GSE1: variants seen among roughly 807,000 people sequenced by gnomAD.
GSE1 encodes the protein genetic suppressor element 1.
Under a neutral mutation model 112.6 loss-of-function variants are expected in GSE1, and 32 were observed. The ratio of observed to expected loss-of-function variants is 0.28; its 90% confidence interval spans 0.21 to 0.38. The LOEUF (loss-of-function observed/expected upper bound fraction) is 0.38. GSE1 is among the 10% of genes least tolerant of loss of function. GSE1 has a pLI of 1.00. For synonymous variants in GSE1, 1,115 were observed against 735.6 expected (o/e 1.52, Z -8.35); for missense variants, 2,348 against 1,699.2 (o/e 1.38, Z -6.71).
intron 1 of GSE1, among the ~76,000 whole-genome samples, chr16:85,556,965 C>T (rs1598170941): frequency 6.6e-6 from 1 of 152,120 alleles, no homozygotes; most frequent in East Asian, 1.9e-4. Flanking sequence ...CCTTCCTGCG[C>T]GGTGACAGCC....
intron 2 of GSE1, among the ~76,000 whole-genome samples, chr16:85,426,565 GGGGTGAATGAATGTGGAT>G (rs148336707): frequency 0.095 from 13,965 of 146,634 alleles, 702 homozygotes; most frequent in African/African-American, 0.14. Context: ...GGATGGATGG[GGGGTGAATGAATGTGGAT>G]GGGTGAATGA....
At chr16:85,653,612 G>A (rs1198756571) in intron 3 of GSE1, among the ~76,000 whole-genome samples, 1 of 151,854 alleles carries the variant, frequency 6.6e-6, no homozygotes, top group African/African-American at 2.4e-5. Flanking sequence ...TGCCTTCCCT[G>A]CCCCACCGTG....
At chr16:85,344,947 C>T (rs1366973910) in intron 1 of GSE1, among the ~76,000 whole-genome samples, 2 of 152,368 alleles carry the variant, frequency 1.3e-5, no homozygotes, top group East Asian at 1.9e-4. Flanking sequence ...GCTCTGCCCT[C>T]ACCGTGGCTC....
At chr16:85,527,418 C>T (rs1044543476) in intron 2 of GSE1, among the ~76,000 whole-genome samples, 8 of 152,238 alleles carry the variant, frequency 5.3e-5, no homozygotes, top group Admixed American at 6.5e-5. Flanking sequence ...TGGGATGAAC[C>T]GGGATTACCG....
chr16:85,380,354 C>T (rs1430076513), intron 2 of GSE1, among the ~76,000 whole-genome samples: 1 of 152,160 alleles, frequency 6.6e-6, no homozygotes, highest in Non-Finnish European at 1.5e-5. Flanking sequence ...GGTGGCACTC[C>T]AGGGCCTCAT....
chr16:85,260,019 C>T (rs1907505764), intron 1 of GSE1, among the ~76,000 whole-genome samples: 1 of 152,230 alleles, frequency 6.6e-6, no homozygotes. Flanking sequence ...ATCTGGCCAG[C>T]ACTTACCAGA....
intron 2 of GSE1, among the ~76,000 whole-genome samples, chr16:85,496,813 C>T (rs118081864): frequency 6.6e-6 from 1 of 152,224 alleles, no homozygotes; most frequent in East Asian, 1.9e-4. Context: ...GTGCCCCTCA[C>T]CTGCTCCTGT....
At chr16:85,191,671 C>T (rs1306271288) in intron 1 of GSE1, among the ~76,000 whole-genome samples, 2 of 152,206 alleles carry the variant, frequency 1.3e-5, no homozygotes, top group Admixed American at 6.5e-5. Flanking sequence ...ATGAACATCC[C>T]CCGGTGTTGC....
chr16:85,247,804 G>A (rs928024827), intron 1 of GSE1, among the ~76,000 whole-genome samples: 1 of 152,240 alleles, frequency 6.6e-6, no homozygotes, highest in Non-Finnish European at 1.5e-5. Context: ...ACATGCCAGG[G>A]GGCTGGTCTT....
In GSE1 at chr16:85,478,613, A is replaced by G. The variant is rs1467747577; in HGVS notation, c.2464+120970A>G. Among the ~76,000 whole-genome samples, 5 of 150,384 alleles carry G rather than the reference A, an allele frequency of 3.3e-5. No homozygotes were observed. In the East Asian group the frequency reaches 9.7e-4, roughly 29 times the overall value. On this transcript the variant is annotated intron_variant, in intron 2 of 2. Coordinates refer to the GSE1 transcript ENST00000637419. ...GGTGGCCATGTGGGCTAGCTCTACC[A>G]TTTGGGTATCAAGAATGATGCTGGC...
intron 1 of GSE1, among the ~76,000 whole-genome samples, chr16:85,613,747 G>T (rs1005258745): frequency 6.6e-6 from 1 of 151,424 alleles, no homozygotes; most frequent in Non-Finnish European, 1.5e-5. Context: ...TCCGAGAGCT[G>T]CGGGCGCTGG....
chr16:85,612,107 G>C (rs970686640), upstream of GSE1, among the ~76,000 whole-genome samples: 1 of 151,990 alleles, frequency 6.6e-6, no homozygotes, highest in Non-Finnish European at 1.5e-5. Flanking sequence ...GAGCGACCCC[G>C]GGGCCTCAGA....
At chr16:85,486,821 C>T (rs557464236) in intron 2 of GSE1, among the ~76,000 whole-genome samples, 31 of 152,378 alleles carry the variant, frequency 2.0e-4, no homozygotes, top group African/African-American at 4.8e-4. Flanking sequence ...CCCTCCCTCC[C>T]GGCATGGCTG....
chr16:85,609,917 C>G (rs1275190960), upstream of GSE1, among the ~76,000 whole-genome samples: 1 of 152,192 alleles, frequency 6.6e-6, no homozygotes, highest in Non-Finnish European at 1.5e-5. Flanking sequence ...TTGGCCCCCC[C>G]AAAGTGCTGG....
At chr16:85,590,942 G>T (rs1442499315) in intron 1 of GSE1, among the ~76,000 whole-genome samples, 1 of 152,172 alleles carries the variant, frequency 6.6e-6, no homozygotes, top group Non-Finnish European at 1.5e-5. Flanking sequence ...CGGTGGGGGG[G>T]ACCAGACGTG....
chr16:85,481,407 G>A (rs955761284), intron 2 of GSE1, among the ~76,000 whole-genome samples: 3 of 152,230 alleles, frequency 2.0e-5, no homozygotes, highest in African/African-American at 4.8e-5. Flanking sequence ...CTTAGGAAGG[G>A]TTTTGAGGGG....
chr16:85,479,270 G>A (rs998276789), intron 2 of GSE1, among the ~76,000 whole-genome samples: 4 of 135,866 alleles, frequency 2.9e-5, no homozygotes, highest in African/African-American at 8.4e-5. Flanking sequence ...CTGACCCCGT[G>A]ATCCACCCAC....
At chr16:85,619,074 C>G (rs1185410856) in intron 1 of GSE1, among the ~76,000 whole-genome samples, 1 of 152,208 alleles carries the variant, frequency 6.6e-6, no homozygotes, top group Non-Finnish European at 1.5e-5. Context: ...CTTTTTCTGC[C>G]CTAAGGCTCA....
chr16:85,312,692 G>C (rs1039050270), intron 1 of GSE1, among the ~76,000 whole-genome samples: 11 of 152,084 alleles, frequency 7.2e-5, no homozygotes, highest in Admixed American at 6.6e-5. Flanking sequence ...AAGCAGGGAG[G>C]GGGAGGAGGG....
Sources: gnomAD v4.1 joint callset for allele counts (sites outside exome capture counted in the v4.1 genomes callset) on GRCh38, gnomAD v4.1.1 for gene constraint, MANE v1.5 for transcripts, NCBI Gene and HGNC (gene_info 2026-07-23, HGNC 2026-07-21) for gene names.